Variants in IFRD1 observed in about 807,000 individuals in gnomAD.
IFRD1 encodes interferon related developmental regulator 1, also known as interferon-related developmental regulator 1.
A neutral mutation model predicts 52.9 loss-of-function variants in IFRD1; 35 were observed. That is an observed-to-expected ratio of 0.66 (90% CI 0.51 to 0.88). IFRD1 has a LOEUF of 0.88. Among genes scored for constraint, IFRD1 ranks in the 40% least tolerant of loss-of-function variants. IFRD1 has a pLI of 0.00. For missense variants in IFRD1, 517 were observed against 550.8 expected, an observed-to-expected ratio of 0.94 and a Z score of 0.61; for synonymous variants, 184 against 188.4, an observed-to-expected ratio of 0.98 and a Z score of 0.19.
At chr7:112,431,142 G>C (rs1020292814) in intron 1 of IFRD1, among the ~76,000 whole-genome samples, 1 of 152,200 alleles carries the variant, frequency 6.6e-6, no homozygotes, top group Admixed American at 6.5e-5. Flanking sequence ...GACACCATTA[G>C]TGCTTTACAG....
intron 1 of IFRD1, among the ~76,000 whole-genome samples, chr7:112,426,146 G>A (rs1488705061): frequency 1.3e-5 from 2 of 152,118 alleles, no homozygotes; most frequent in Non-Finnish European, 2.9e-5. Context: ...TGGAGTTCAA[G>A]GCTACAGTGA....
At chr7:112,439,735 A>G (rs1039678770) in intron 1 of IFRD1, among the ~76,000 whole-genome samples, 1 of 152,114 alleles carries the variant, frequency 6.6e-6, no homozygotes, top group Non-Finnish European at 1.5e-5. Context: ...CTTACACCTC[A>G]CTGGCTAGAG....
upstream of IFRD1, chr7:112,446,347 T>TTA (rs1434464450): frequency 1.0e-5 from 2 of 196,718 alleles, no homozygotes; most frequent in Admixed American, 4.9e-5. Context: ...CTTCTTTCGC[T>TTA]TACGCTTATT....
At chr7:112,434,934 T>C (rs935261069) in intron 1 of IFRD1, among the ~76,000 whole-genome samples, 1 of 152,246 alleles carries the variant, frequency 6.6e-6, no homozygotes, top group Non-Finnish European at 1.5e-5. Context: ...GATTCTGAAT[T>C]ACCTGGTTAC....
chr7:112,468,012 C>G lies in IFRD1; in HGVS notation c.938C>G (p.Thr313Arg). The G allele has an allele frequency of 1.9e-6, 3 of 1,613,940 alleles. No homozygotes were observed. In the South Asian group the frequency reaches 3.3e-5, roughly 18 times the overall value. The change falls in exon 9 of 12, where the codon ACG becomes AGG. Residue 313 changes from threonine to arginine, a missense_variant. Physicochemically the swap from Thr to Arg is moderately conservative, Grantham distance 71. Transcript: ENST00000403825. ...TTTTATGAAGACATGGAGTCCTTGA[C>G]GCAGATGCTTAGGGCCTTGGCAACA... ...DFFYEDMESL[T>R]QMLRALATDG...
At chr7:112,464,106 C>T (rs1043314515) in intron 8 of IFRD1, among the ~76,000 whole-genome samples, 1 of 142,200 alleles carries the variant, frequency 7.0e-6, no homozygotes, top group African/African-American at 2.6e-5. Context: ...ATAGGGTGTT[C>T]AAAAATTAAA....
intron 1 of IFRD1, among the ~76,000 whole-genome samples, chr7:112,435,202 A>G (rs1040169654): frequency 1.3e-5 from 2 of 152,150 alleles, no homozygotes; most frequent in Non-Finnish European, 2.9e-5. Flanking sequence ...CTCCACTGCA[A>G]CACTCCTTCA....
intron 9 of IFRD1, among the ~76,000 whole-genome samples, chr7:112,470,336 A>C (rs1453876828): frequency 6.6e-6 from 1 of 152,236 alleles, no homozygotes; most frequent in African/African-American, 2.4e-5. Flanking sequence ...GTGAGAAAGT[A>C]ACGTTTCACT....
upstream of IFRD1, among the ~76,000 whole-genome samples, chr7:112,448,275 GGGCCAT>G (rs1422386473): frequency 6.6e-6 from 1 of 152,152 alleles, no homozygotes; most frequent in East Asian, 1.9e-4. Context: ...ATGATGTGGT[GGGCCAT>G]GGCCAGGCCT....
At chr7:112,475,180 A>T (rs558922000) in intron 11 of IFRD1, among the ~76,000 whole-genome samples, 3 of 152,028 alleles carry the variant, frequency 2.0e-5, no homozygotes, top group African/African-American at 4.8e-5. Context: ...GGATGGTCTC[A>T]ATCTCCTGAC....
upstream of IFRD1, among the ~76,000 whole-genome samples, chr7:112,448,035 A>G (rs1325493839): frequency 3.3e-5 from 5 of 151,608 alleles, no homozygotes; most frequent in East Asian, 9.7e-4. Context: ...CTATATATAT[A>G]CTGACTATAA....
intron 1 of IFRD1, among the ~76,000 whole-genome samples, chr7:112,454,490 G>T (rs1584487571): frequency 6.6e-6 from 1 of 152,050 alleles, no homozygotes; most frequent in East Asian, 1.9e-4. Flanking sequence ...ACCGCACCCG[G>T]CCAGCATTGG....
chr7:112,466,764 A>G (rs1256389100), intron 8 of IFRD1, among the ~76,000 whole-genome samples: 1 of 152,240 alleles, frequency 6.6e-6, no homozygotes, highest in Non-Finnish European at 1.5e-5. Flanking sequence ...AAAATACTGT[A>G]AAAGAACAAG....
At chr7:112,451,571 G>A (rs1795166885) in intron 1 of IFRD1, among the ~76,000 whole-genome samples, 1 of 152,202 alleles carries the variant, frequency 6.6e-6, no homozygotes, top group Admixed American at 6.5e-5. Context: ...TTGGCTAAAA[G>A]TTGAGGTTAT....
chr7:112,447,260 T>C (rs1457897471), upstream of IFRD1, among the ~76,000 whole-genome samples: 1 of 152,258 alleles, frequency 6.6e-6, no homozygotes, highest in Non-Finnish European at 1.5e-5. Flanking sequence ...TTCTGTTCCA[T>C]GGAATGTTAA....
intron 1 of IFRD1, among the ~76,000 whole-genome samples, chr7:112,455,399 T>C (rs1274519200): frequency 1.3e-5 from 2 of 151,964 alleles, no homozygotes; most frequent in Non-Finnish European, 2.9e-5. Flanking sequence ...GCAGGAGAAT[T>C]GCTCGAACCC....
At chr7:112,440,237 G>A (rs1368531464) in intron 1 of IFRD1, among the ~76,000 whole-genome samples, 1 of 152,040 alleles carries the variant, frequency 6.6e-6, no homozygotes, top group Non-Finnish European at 1.5e-5. Context: ...TGTCTGCCTT[G>A]GCCTCCCAAA....
chr7:112,427,822 G>A (rs774593189), intron 1 of IFRD1, among the ~76,000 whole-genome samples: 14 of 152,164 alleles, frequency 9.2e-5, no homozygotes, highest in Non-Finnish European at 1.9e-4. Flanking sequence ...GTGAAGTGCT[G>A]CGGATAAAAA....
At chr7:112,461,651 G>T (rs1795436558) in intron 5 of IFRD1, 1 of 330,786 alleles carries the variant, frequency 3.0e-6, no homozygotes, top group Non-Finnish European at 5.4e-6. Flanking sequence ...TTAAAGTCAT[G>T]CTGTGAATTT....
Sources: gnomAD v4.1 joint callset for allele counts (sites outside exome capture counted in the v4.1 genomes callset) on GRCh38, gnomAD v4.1.1 for gene constraint, MANE v1.5 for transcripts, NCBI Gene and HGNC (gene_info 2026-07-23, HGNC 2026-07-21) for gene names.